Variants in SLC31A1 observed in about 807,000 individuals in gnomAD.
The protein encoded by SLC31A1 is solute carrier family 31 member 1.
SLC31A1 carries 5 observed loss-of-function variants against 17.2 expected under a neutral mutation model. The observed-to-expected ratio is 0.29, with a 90% CI of 0.15 to 0.61. The LOEUF (loss-of-function observed/expected upper bound fraction) is 0.61, where lower values mean the gene tolerates loss of function less well. Among genes scored for constraint, SLC31A1 ranks in the 20% least tolerant of loss-of-function variants. SLC31A1 has a pLI of 0.86. For missense variants in SLC31A1, 161 were observed against 241.4 expected, an observed-to-expected ratio of 0.67 and a Z score of 2.21; for synonymous variants, 76 against 78.8, an observed-to-expected ratio of 0.96 and a Z score of 0.19.
chr9:113,247,452 T>A (rs1043386876), intron 1 of SLC31A1, among the ~76,000 whole-genome samples: 1 of 152,220 alleles, frequency 6.6e-6, no homozygotes, highest in African/African-American at 2.4e-5. Flanking sequence ...TGGATTATTA[T>A]ATCTTATTCT....
At chr9:113,239,150 C>T (rs1053698423) in intron 1 of SLC31A1, among the ~76,000 whole-genome samples, 4 of 151,964 alleles carry the variant, frequency 2.6e-5, no homozygotes, top group African/African-American at 7.3e-5. Flanking sequence ...TTAGTAGAGC[C>T]GGGATTTGAA....
intron 1 of SLC31A1, 200 bp from the exon 2 acceptor site, chr9:113,255,914 C>G (rs186278674): frequency 6.7e-4 from 208 of 310,986 alleles, no homozygotes; most frequent in Middle Eastern, 3.1e-3. Context: ...CAGGGAACCA[C>G]CAGGTTGCCT....
intron 1 of SLC31A1, among the ~76,000 whole-genome samples, chr9:113,229,952 G>A (rs1831383977): frequency 1.3e-5 from 2 of 152,150 alleles, no homozygotes; most frequent in Non-Finnish European, 1.5e-5. Flanking sequence ...CAAGCTATTT[G>A]CAAGGTGAAT....
At chr9:113,242,983 G>A (rs997464796) in intron 1 of SLC31A1, among the ~76,000 whole-genome samples, 1 of 151,712 alleles carries the variant, frequency 6.6e-6, no homozygotes, top group Non-Finnish European at 1.5e-5. Flanking sequence ...AATTTGGCGA[G>A]AAAATGTAAA....
intron 1 of SLC31A1, among the ~76,000 whole-genome samples, chr9:113,249,819 C>T (rs1564214943): frequency 1.3e-5 from 2 of 151,356 alleles, no homozygotes; most frequent in Non-Finnish European, 2.9e-5. Context: ...TGAACTCAAA[C>T]AAATTTACAA....
chr9:113,231,579 G>T (rs921797178), intron 1 of SLC31A1, among the ~76,000 whole-genome samples: 1 of 151,224 alleles, frequency 6.6e-6, no homozygotes, highest in Non-Finnish European at 1.5e-5. Context: ...AAAAAAAAAT[G>T]GGGAAATTAT....
chr9:113,236,426 C>T (rs995755161), intron 1 of SLC31A1, among the ~76,000 whole-genome samples: 1 of 151,940 alleles, frequency 6.6e-6, no homozygotes, highest in Non-Finnish European at 1.5e-5. Flanking sequence ...TGCAGTGGTG[C>T]GATCTCGGCT....
In SLC31A1 at chr9:113,260,579, G is replaced by GAA; in HGVS notation, c.*106_*107insAA. On this transcript the variant is annotated 3_prime_UTR_variant, in exon 5 of 5. Coordinates refer to ENST00000374212, the MANE Select transcript of SLC31A1 (RefSeq NM_001859.4). ...TCCCTTCTTGCTCCTCTTTGTGCACGTACACACACACACACACACACACAC... is the reference window on the plus strand; with the variant it reads ...TCCCTTCTTGCTCCTCTTTGTGCACGAATACACACACACACACACACACACAC... 5.1e-6 allele frequency: 3 copies of GAA among 590,126 alleles called. No homozygotes were observed. Among genetic ancestry groups the GAA allele is most frequent in the Non-Finnish European group, 8.5e-6 (3 of 352,630 alleles). 36.6% of individuals were successfully genotyped at this position (590,126 alleles called of 1,614,324 possible). A position where few individuals can be genotyped will look rare whatever the true frequency, so the allele number is the denominator to read the frequency against.
At chr9:113,226,760 C>G (rs1473336891) in intron 1 of SLC31A1, among the ~76,000 whole-genome samples, 1 of 152,076 alleles carries the variant, frequency 6.6e-6, no homozygotes, top group African/African-American at 2.4e-5. Context: ...GAGCAAAATT[C>G]TAGCAACAGG....
intron 3 of SLC31A1, among the ~76,000 whole-genome samples, chr9:113,257,708 G>A (rs1011552848): frequency 2.0e-5 from 3 of 151,826 alleles, no homozygotes; most frequent in African/African-American, 7.3e-5. Context: ...GGCTGGTCTC[G>A]AACTCCTCAC....
chr9:113,239,186 T>G (rs1258156324), intron 1 of SLC31A1, among the ~76,000 whole-genome samples: 1 of 152,164 alleles, frequency 6.6e-6, no homozygotes, highest in African/African-American at 2.4e-5. Context: ...GACTTTTTTT[T>G]TTTTAACTCC....
intron 1 of SLC31A1, among the ~76,000 whole-genome samples, chr9:113,233,421 G>A (rs1831421702): frequency 6.6e-6 from 1 of 152,182 alleles, no homozygotes; most frequent in African/African-American, 2.4e-5. Context: ...CCCTGGAGAG[G>A]TCAGCTGGGA....
intron 2 of SLC31A1, 92 bp from the exon 3 acceptor site, chr9:113,257,018 ATCT>A: frequency 9.8e-7 from 1 of 1,015,674 alleles, no homozygotes; most frequent in East Asian, 2.4e-5. Context: ...TATTATCCAG[ATCT>A]TCTACTTTTA....
At chr9:113,256,491 T>C in intron 2 of SLC31A1, 1 of 498,320 alleles carries the variant, frequency 2.0e-6, no homozygotes, top group South Asian at 2.9e-5. Context: ...GGCTTCTTTC[T>C]TTGGTGGTCC....
At chr9:113,222,465 C>T (rs1239774987) in intron 1 of SLC31A1, among the ~76,000 whole-genome samples, 1 of 152,144 alleles carries the variant, frequency 6.6e-6, no homozygotes, top group Non-Finnish European at 1.5e-5. Flanking sequence ...ATTCTCGAAA[C>T]AATCCTGGGG....
At chr9:113,260,191 T>A (rs1199939444) in intron 4 of SLC31A1, 81 bp from the exon 5 acceptor site, 7 of 1,233,254 alleles carry the variant, frequency 5.7e-6, no homozygotes, top group Non-Finnish European at 8.4e-6. Flanking sequence ...GCTGAGCTCA[T>A]GGCAAGAACT....
intron 1 of SLC31A1, among the ~76,000 whole-genome samples, chr9:113,251,467 C>T (rs1245866463): frequency 6.6e-6 from 1 of 151,834 alleles, no homozygotes; most frequent in African/African-American, 2.4e-5. Flanking sequence ...GATTGTATGA[C>T]CCTGGATTTT....
At chr9:113,254,730 C>A (rs1831701635) in intron 1 of SLC31A1, among the ~76,000 whole-genome samples, 1 of 152,064 alleles carries the variant, frequency 6.6e-6, no homozygotes, top group South Asian at 2.1e-4. Flanking sequence ...GAAACCCCAT[C>A]TCTACTAAAA....
At chr9:113,257,707 C>T (rs1452991987) in intron 3 of SLC31A1, among the ~76,000 whole-genome samples, 1 of 151,936 alleles carries the variant, frequency 6.6e-6, no homozygotes, top group Non-Finnish European at 1.5e-5. Flanking sequence ...AGGCTGGTCT[C>T]GAACTCCTCA....
Sources: allele counts gnomAD v4.1 joint callset (sites outside exome capture counted in the v4.1 genomes callset), GRCh38; gene constraint gnomAD v4.1.1; transcripts MANE v1.5; gene names NCBI Gene and HGNC (gene_info 2026-07-23, HGNC 2026-07-21).